CALN1: variants seen among roughly 807,000 people sequenced by gnomAD.
CALN1 encodes calneuron 1, also known as calcium-binding protein 8.
CALN1 carries 17 observed loss-of-function variants against 30.6 expected under a neutral mutation model. That is an observed-to-expected ratio of 0.56 (90% CI 0.38 to 0.83). CALN1 has a LOEUF of 0.83. Among genes scored for constraint, CALN1 ranks in the 40% least tolerant of loss-of-function variants. The probability of loss-of-function intolerance (pLI) is 0.00; values close to 1 mark genes in which losing one functional copy is unlikely to be tolerated. For missense variants in CALN1, 291 were observed against 354.9 expected, an observed-to-expected ratio of 0.82 and a Z score of 1.45; for synonymous variants, 156 against 131.4, an observed-to-expected ratio of 1.19 and a Z score of -1.28.
chr7:71,816,698 C>A (rs755291935), intron 5 of CALN1, among the ~76,000 whole-genome samples: 8 of 152,022 alleles, frequency 5.3e-5, no homozygotes, highest in African/African-American at 1.4e-4. Flanking sequence ...GCCTGTAATC[C>A]CAGCACTTTG....
chr7:72,218,517 A>G (rs980584478), intron 3 of CALN1, among the ~76,000 whole-genome samples: 1 of 152,140 alleles, frequency 6.6e-6, no homozygotes, highest in African/African-American at 2.4e-5. Flanking sequence ...CCAGCTCAGT[A>G]GCCTGTTATT....
chr7:71,854,074 G>A (rs890518056), intron 5 of CALN1, among the ~76,000 whole-genome samples: 11 of 152,046 alleles, frequency 7.2e-5, no homozygotes, highest in African/African-American at 2.7e-4. Context: ...TAGGGTTTGA[G>A]GTAGAGGCCA....
chr7:72,426,639 C>G (rs894608095), intron 1 of CALN1, among the ~76,000 whole-genome samples: 1 of 152,162 alleles, frequency 6.6e-6, no homozygotes, highest in Non-Finnish European at 1.5e-5. Flanking sequence ...AGCTGAAAAA[C>G]TACGAGCCTG....
chr7:71,782,234 C>T lies in CALN1; in HGVS notation c.*5541G>A, dbSNP rs1042186766. On this transcript the variant is annotated 3_prime_UTR_variant, in exon 7 of 7. Coordinates refer to ENST00000395275, the MANE Select transcript of CALN1 (RefSeq NM_031468.4). The stretch of plus-strand genomic sequence containing the variant: ...ATAGGGACAGATTCCTCATGAATGA[C>T]TCGGTGCCCTCCCTGTAGTAATGAG... 1 of 152,180 alleles carries T rather than the reference C, an allele frequency of 6.6e-6. No homozygotes were observed. The highest frequency in any genetic ancestry group is 1.5e-5 in the Non-Finnish European group (1 of 68,044). 9.4% of individuals were successfully genotyped at this position (152,180 alleles called of 1,614,324 possible).
At chr7:72,068,128 A>G (rs557967837) in intron 4 of CALN1, among the ~76,000 whole-genome samples, 2 of 152,324 alleles carry the variant, frequency 1.3e-5, no homozygotes, top group South Asian at 2.1e-4. Flanking sequence ...CTTGGCTAAA[A>G]TGAACAACGA....
intron 3 of CALN1, among the ~76,000 whole-genome samples, chr7:72,110,317 C>T (rs941012015): frequency 6.6e-6 from 1 of 152,168 alleles, no homozygotes; most frequent in Non-Finnish European, 1.5e-5. Context: ...AGTTGCCCCA[C>T]CTTTGGGGCT....
intron 2 of CALN1, among the ~76,000 whole-genome samples, chr7:72,328,332 A>G (rs1801426924): frequency 6.6e-6 from 1 of 152,090 alleles, no homozygotes; most frequent in South Asian, 2.1e-4. Context: ...CATGGTAGTG[A>G]ATAAGTCTGA....
intron 2 of CALN1, among the ~76,000 whole-genome samples, chr7:72,347,893 C>T (rs374627509): frequency 4.4e-4 from 67 of 152,166 alleles, no homozygotes; most frequent in African/African-American, 1.3e-3. Context: ...CTTTGGGAGG[C>T]TGAGGAGGGT....
intron 2 of CALN1, among the ~76,000 whole-genome samples, chr7:72,307,181 T>C (rs1335587345): frequency 6.6e-6 from 1 of 152,170 alleles, no homozygotes; most frequent in Admixed American, 6.5e-5. Flanking sequence ...AGCAGAAAGG[T>C]ACAGGACCTC....
the CALN1 span, among the ~76,000 whole-genome samples, chr7:72,466,212 G>A: frequency 6.6e-6 from 1 of 152,076 alleles, no homozygotes; most frequent in East Asian, 1.9e-4. Context: ...CAGGAGAACA[G>A]ACCCAACAGA....
chr7:72,015,415 G>C lies in CALN1; in HGVS notation c.501+8242C>G, dbSNP rs900134318. Among the ~76,000 whole-genome samples the C allele has an allele frequency of 4.3e-4, 65 of 150,854 alleles. 1 individual carries two copies. Among genetic ancestry groups the C allele is most frequent in the Admixed American group, 4.3e-3 (65 of 15,158 alleles). On this transcript the variant is annotated intron_variant, in intron 5 of 6. Coordinates refer to ENST00000395275, the MANE Select transcript of CALN1 (RefSeq NM_031468.4). ...TCAATTTAATAGGTGGGGCCCAGGAGTTTGCATTTCTTTCTTTCTTTTTTT... is the reference window on the plus strand; with the variant it reads ...TCAATTTAATAGGTGGGGCCCAGGACTTTGCATTTCTTTCTTTCTTTTTTT...
In CALN1 at chr7:72,336,758, CG is replaced by C. The variant is rs1373319212; in HGVS notation, c.120-57949del. The C allele has an allele frequency of 8.1e-6, 8 of 985,146 alleles. No homozygotes were observed. The East Asian group carries it at 6.8e-4, about 84-fold the overall frequency. 61.0% of individuals were successfully genotyped at this position (985,146 alleles called of 1,614,324 possible). A position where few individuals can be genotyped will look rare whatever the true frequency, so the allele number is the denominator to read the frequency against. On this transcript the variant is annotated intron_variant, in intron 2 of 6. Transcript: ENST00000395275. ...GCAGCCGAGGCGCCTCCGCACAGCGCGGGGGGCTTCCTCCGAGGCCCGCAGG... is the reference window on the plus strand; with the variant it reads ...GCAGCCGAGGCGCCTCCGCACAGCGCGGGGGCTTCCTCCGAGGCCCGCAGG...
chr7:71,878,017 T>A (rs1792347182), intron 5 of CALN1, among the ~76,000 whole-genome samples: 1 of 152,060 alleles, frequency 6.6e-6, no homozygotes, highest in South Asian at 2.1e-4. Context: ...AAGTCTGGAG[T>A]GGAGCCCAAG....
intron 5 of CALN1, among the ~76,000 whole-genome samples, chr7:71,838,071 C>T (rs1423847495): frequency 6.6e-6 from 1 of 152,066 alleles, no homozygotes; most frequent in Non-Finnish European, 1.5e-5. Context: ...ATGGACATGG[C>T]TTTAGAGGCT....
intron 4 of CALN1, among the ~76,000 whole-genome samples, chr7:72,025,968 G>A (rs1434753022): frequency 6.6e-6 from 1 of 152,148 alleles, no homozygotes; most frequent in African/African-American, 2.4e-5. Flanking sequence ...CAAGTCAATG[G>A]GAAAGGGAGG....
intron 2 of CALN1, among the ~76,000 whole-genome samples, chr7:72,355,167 CA>C (rs1358558360): frequency 1.3e-5 from 2 of 152,188 alleles, no homozygotes; most frequent in African/African-American, 4.8e-5. Flanking sequence ...CTCGGTCTCC[CA>C]AAGTGCTGCG....
chr7:71,850,980 A>G (rs570888936), intron 5 of CALN1, among the ~76,000 whole-genome samples: 235 of 152,234 alleles, frequency 1.5e-3, no homozygotes, highest in African/African-American at 5.4e-3. Flanking sequence ...TGGGAGACTA[A>G]GGTGGGAGGA....
chr7:72,185,587 T>G (rs936397042), intron 3 of CALN1, among the ~76,000 whole-genome samples: 1 of 152,104 alleles, frequency 6.6e-6, no homozygotes, highest in African/African-American at 2.4e-5. Flanking sequence ...AGTTAAGGAT[T>G]TTGATATAGA....
At chr7:71,990,572 C>T (rs1798894786) in intron 5 of CALN1, among the ~76,000 whole-genome samples, 1 of 151,988 alleles carries the variant, frequency 6.6e-6, no homozygotes, top group African/African-American at 2.4e-5. Context: ...CCTGCCTCAG[C>T]CTCCTCAGTA....
Sources: gnomAD v4.1 joint callset for allele counts (sites outside exome capture counted in the v4.1 genomes callset) on GRCh38, gnomAD v4.1.1 for gene constraint, MANE v1.5 for transcripts, NCBI Gene and HGNC (gene_info 2026-07-23, HGNC 2026-07-21) for gene names.